The following MAP3K7 variants were observed in gnomAD, a reference collection of about 807,000 sequenced individuals.
The protein encoded by MAP3K7 is mitogen-activated protein kinase kinase kinase 7.
MAP3K7 carries 21 observed loss-of-function variants against 84.8 expected under a neutral mutation model. That is an observed-to-expected ratio of 0.25 (90% confidence interval 0.18 to 0.36). The LOEUF is 0.36. Ranked by LOEUF, MAP3K7 falls within the 10% of genes least tolerant of loss-of-function variation. The probability of loss-of-function intolerance (pLI) is 1.00; values close to 1 mark genes in which losing one functional copy is unlikely to be tolerated. For synonymous variants in MAP3K7, 241 were observed against 247.7 expected (o/e 0.97, Z 0.25); for missense variants, 503 against 747.7 (o/e 0.67, Z 3.82).
chr6:90,559,721 G>A (rs973341790), intron 5 of MAP3K7, among the ~76,000 whole-genome samples: 4 of 152,154 alleles, frequency 2.6e-5, no homozygotes, highest in East Asian at 1.9e-4. Context: ...AGGTGTTAGG[G>A]ACACAGCAAG....
intron 1 of MAP3K7, among the ~76,000 whole-genome samples, chr6:90,575,163 AC>A (rs1777032138): frequency 6.6e-6 from 1 of 152,226 alleles, no homozygotes; most frequent in African/African-American, 2.4e-5. Flanking sequence ...AGGTAGATAC[AC>A]TGGGGATGAG....
Position 90,544,567 on chromosome 6 carries a change from C to T in MAP3K7, c.1276G>A (p.Glu426Lys). 2 of 1,612,414 alleles carry T rather than the reference C, an allele frequency of 1.2e-6. No individual in the cohort carries two copies. Among genetic ancestry groups the T allele is most frequent in the African/African-American group, 2.7e-5 (2 of 74,926 alleles). ...TCTATGATACCTGATATGACGATCT[C>T]AGGGACATCCAGAATGTTGCCAAAT... is the stretch of plus-strand genomic sequence containing the variant. ...ASFGNILDVP[E>K]IVISGNGQPR... Residue 426 changes from glutamate (E) to lysine (K), a missense_variant, in exon 12 of 17, where the codon GAG becomes AAG. Physicochemically the swap from Glu to Lys is moderately conservative, Grantham distance 56. Transcript: ENST00000369329.
At chr6:90,524,812 TATA>T (rs1248963751) in intron 13 of MAP3K7, among the ~76,000 whole-genome samples, 6 of 152,122 alleles carry the variant, frequency 3.9e-5, no homozygotes, top group African/African-American at 1.4e-4. Flanking sequence ...GCACTAAAAT[TATA>T]ATAACAATAG....
intron 9 of MAP3K7, 144 bp downstream of exon 9, chr6:90,550,324 G>A: frequency 1.8e-6 from 1 of 548,362 alleles, no homozygotes; most frequent in Non-Finnish European, 3.2e-6. Flanking sequence ...TGACGCACCT[G>A]TAAACTCAAA....
rs188963411 is a variant in MAP3K7, at chr6:90,542,058, A to C, written c.1291+2494T>G. On this transcript the variant is annotated intron_variant, in intron 12 of 16. Transcript: ENST00000369329. ...TTTTAATGCTAATTAAACAGTTTGA[A>C]TATATCAAGAAGTATTTGCTAATAC... 418 of 166,746 alleles carry C rather than the reference A, an allele frequency of 2.5e-3. 1 individual carries two copies. Among genetic ancestry groups the C allele is most frequent in the Non-Finnish European group, 3.9e-3 (319 of 81,336 alleles). The allele number at this position is 166,746 out of a possible 1,614,324, so 10.3% of individuals were successfully genotyped here.
chr6:90,575,162 C>T (rs570365761), intron 1 of MAP3K7, among the ~76,000 whole-genome samples: 1 of 152,096 alleles, frequency 6.6e-6, no homozygotes, highest in African/African-American at 2.4e-5. Flanking sequence ...AAGGTAGATA[C>T]ACTGGGGATG....
chr6:90,561,431 C>A (rs1273001539), intron 4 of MAP3K7, among the ~76,000 whole-genome samples, 191 bp downstream of exon 4: 1 of 151,994 alleles, frequency 6.6e-6, no homozygotes, highest in Non-Finnish European at 1.5e-5. Flanking sequence ...AATTGATAGA[C>A]CTCTAAATTT....
At chr6:90,562,328 G>A (rs965773121) in intron 3 of MAP3K7, among the ~76,000 whole-genome samples, 1 of 152,156 alleles carries the variant, frequency 6.6e-6, no homozygotes, top group Non-Finnish European at 1.5e-5. Context: ...TCCTAGACAA[G>A]GGAAGCTGTG....
At chr6:90,578,719 G>A (rs1165431572) in intron 1 of MAP3K7, among the ~76,000 whole-genome samples, 2 of 152,124 alleles carry the variant, frequency 1.3e-5, no homozygotes, top group East Asian at 3.8e-4. Context: ...TCTGATATTA[G>A]CTCTCTAAGG....
rs1189688784 is a variant in MAP3K7, at chr6:90,514,752, G to T, written c.*1749C>A. On this transcript the variant is annotated 3_prime_UTR_variant, in exon 17 of 17. Coordinates refer to ENST00000369329, the MANE Select transcript of MAP3K7 (RefSeq NM_145331.3). ...ACATACAAGCAACAATGCTATGGAGGAGTCATGCTTTATCCTAGTCTACAG... is the reference window on the plus strand; with the variant it reads ...ACATACAAGCAACAATGCTATGGAGTAGTCATGCTTTATCCTAGTCTACAG... The T allele has an allele frequency of 2.6e-5, 4 of 151,890 alleles. No individual in the cohort carries two copies. The highest frequency in any genetic ancestry group is 9.7e-5 in the African/African-American group (4 of 41,412). 9.4% of individuals were successfully genotyped at this position (151,890 alleles called of 1,614,324 possible). A position where few individuals can be genotyped will look rare whatever the true frequency, so the allele number is the denominator to read the frequency against.
At chr6:90,530,730 G>A (rs1453743419) in intron 13 of MAP3K7, among the ~76,000 whole-genome samples, 1 of 152,106 alleles carries the variant, frequency 6.6e-6, no homozygotes, top group Non-Finnish European at 1.5e-5. Flanking sequence ...AGGCATAACT[G>A]TAGTTTTTGA....
chr6:90,551,307 G>GGAGATT (rs1389665573), intron 8 of MAP3K7: 1 of 152,082 alleles, frequency 6.6e-6, no homozygotes, highest in Non-Finnish European at 1.5e-5. Flanking sequence ...CTATATTTAA[G>GGAGATT]GAGATTGTAA....
intron 1 of MAP3K7, among the ~76,000 whole-genome samples, chr6:90,575,087 G>A (rs1319704644): frequency 6.6e-6 from 1 of 152,168 alleles, no homozygotes; most frequent in African/African-American, 2.4e-5. Flanking sequence ...TATAAGCACA[G>A]TCAATACTTA....
At chr6:90,584,908 T>A (rs1219643512) in intron 1 of MAP3K7, among the ~76,000 whole-genome samples, 1 of 152,116 alleles carries the variant, frequency 6.6e-6, no homozygotes, top group Non-Finnish European at 1.5e-5. Flanking sequence ...AACTATCCAC[T>A]TCTGGAAAAG....
chr6:90,561,729 A>G, intron 3 of MAP3K7, 62 bp from the exon 4 acceptor site: 1 of 1,142,966 alleles, frequency 8.7e-7, no homozygotes, highest in Non-Finnish European at 1.3e-6. Context: ...GGCCTTTGAG[A>G]GAGAATTTAA....
chr6:90,547,857 AG>A (rs575539128), intron 10 of MAP3K7, among the ~76,000 whole-genome samples, 189 bp downstream of exon 10: 34 of 152,338 alleles, frequency 2.2e-4, no homozygotes, highest in African/African-American at 7.9e-4. Flanking sequence ...AATCATTAGA[AG>A]GAAAAACCAT....
intron 11 of MAP3K7, among the ~76,000 whole-genome samples, chr6:90,545,298 G>A (rs1472917992): frequency 6.6e-6 from 1 of 152,036 alleles, no homozygotes; most frequent in African/African-American, 2.4e-5. Context: ...TTTAAATTGT[G>A]TAAAACTCAA....
intron 12 of MAP3K7, among the ~76,000 whole-genome samples, chr6:90,539,638 G>A (rs574250066): frequency 2.6e-5 from 4 of 151,858 alleles, no homozygotes; most frequent in Non-Finnish European, 4.4e-5. Flanking sequence ...GTTACCGACC[G>A]GCTCTTGAAC....
intron 14 of MAP3K7, among the ~76,000 whole-genome samples, chr6:90,520,424 C>T (rs1308727632): frequency 6.6e-6 from 1 of 151,584 alleles, no homozygotes; most frequent in Non-Finnish European, 1.5e-5. Context: ...CCACTGAGAA[C>T]GTGCTCTCAA....
Sources: gnomAD v4.1 joint callset for allele counts (sites outside exome capture counted in the v4.1 genomes callset) on GRCh38, gnomAD v4.1.1 for gene constraint, MANE v1.5 for transcripts, NCBI Gene and HGNC (gene_info 2026-07-23, HGNC 2026-07-21) for gene names.